Variants in NTM observed in about 807,000 individuals in gnomAD.
NTM encodes the protein neurotrimin, also known as IgLON family member 2.
A neutral mutation model predicts 42.1 loss-of-function variants in NTM; 13 were observed. The observed-to-expected ratio is 0.31, with a 90% CI of 0.20 to 0.49. The LOEUF (loss-of-function observed/expected upper bound fraction) is 0.49. Among genes scored for constraint, NTM ranks in the 20% least tolerant of loss-of-function variants. The pLI is 0.99. For missense variants in NTM, 373 were observed against 452.8 expected, an observed-to-expected ratio of 0.82 and a Z score of 1.60; for synonymous variants, 187 against 179.2, an observed-to-expected ratio of 1.04 and a Z score of -0.35.
At chr11:131,784,044 TCAAG>T (rs2088673033) in intron 1 of NTM, among the ~76,000 whole-genome samples, 1 of 152,110 alleles carries the variant, frequency 6.6e-6, no homozygotes, top group African/African-American at 2.4e-5. Context: ...AGGCTCAACA[TCAAG>T]CAAGTCAAAA....
chr11:131,858,133 A>G (rs2046286567), intron 1 of NTM, among the ~76,000 whole-genome samples: 1 of 152,100 alleles, frequency 6.6e-6, no homozygotes, highest in East Asian at 1.9e-4. Context: ...TGATTTCTGT[A>G]CATGCTATTG....
At chr11:131,408,521 A>G (rs1430241871) in intron 1 of NTM, among the ~76,000 whole-genome samples, 1 of 152,232 alleles carries the variant, frequency 6.6e-6, no homozygotes, top group East Asian at 1.9e-4. Context: ...TCTCTACCAG[A>G]TAATGATCAG....
At chr11:131,920,920 A>G (rs1164821569) in intron 2 of NTM, among the ~76,000 whole-genome samples, 2 of 152,174 alleles carry the variant, frequency 1.3e-5, no homozygotes, top group East Asian at 1.9e-4. Flanking sequence ...AACGGCCTCT[A>G]ATGTGCTGGA....
At chr11:131,439,489 G>C (rs926324622) in intron 1 of NTM, among the ~76,000 whole-genome samples, 1 of 152,212 alleles carries the variant, frequency 6.6e-6, no homozygotes, top group African/African-American at 2.4e-5. Context: ...AGGATGCTTT[G>C]TTTACCTACT....
chr11:131,581,088 A>AT (rs780236733), intron 1 of NTM, among the ~76,000 whole-genome samples: 15 of 152,048 alleles, frequency 9.9e-5, no homozygotes, highest in Non-Finnish European at 1.0e-4. Context: ...CAGAGAGAGT[A>AT]TTTTTTTTAT....
chr11:132,125,972 A>T (rs2065769640), intron 2 of NTM, among the ~76,000 whole-genome samples: 1 of 151,472 alleles, frequency 6.6e-6, no homozygotes, highest in Non-Finnish European at 1.5e-5. Flanking sequence ...GGCAAGGGGG[A>T]TGAGTGGGCT....
At chr11:131,939,950 C>T (rs988663763) in intron 2 of NTM, among the ~76,000 whole-genome samples, 2 of 152,126 alleles carry the variant, frequency 1.3e-5, no homozygotes, top group African/African-American at 2.4e-5. Flanking sequence ...GAAACCTCAC[C>T]GTGGGCTACT....
rs1591700695 is a variant in NTM, at chr11:131,449,985, T to C, written c.82+79097T>C. Reference sequence around the variant, plus strand: ...GGATTAGGAGACCTGGAATCTGAGATGTCCCAGCAAGCTTTAGCTAAGGTC... The same window carrying C: ...GGATTAGGAGACCTGGAATCTGAGACGTCCCAGCAAGCTTTAGCTAAGGTC... On this transcript the variant is annotated intron_variant, in intron 1 of 8. Transcript: ENST00000683400. 3.3e-5 allele frequency among the ~76,000 whole-genome samples: 5 copies of C among 152,318 alleles called. No individual in the cohort carries two copies. In the South Asian group the frequency reaches 1.0e-3, roughly 32 times the overall value.
In NTM at chr11:131,420,115, C is replaced by A. The variant is rs891084373; in HGVS notation, c.82+49227C>A. Among the ~76,000 whole-genome samples the A allele has an allele frequency of 6.6e-5, 10 of 152,140 alleles. 1 individual carries two copies. Among genetic ancestry groups the A allele is most frequent in the Admixed American group, 4.6e-4 (7 of 15,274 alleles). ...CCATTTGTCCCTAAGGGTGTCTAGG[C>A]CCTAGTCTCTGGGACCTGCAAACAA... On this transcript the variant is annotated intron_variant, in intron 1 of 8. Transcript: ENST00000683400.
At chr11:132,328,618 A>G (rs1181708320) in intron 7 of NTM, among the ~76,000 whole-genome samples, 1 of 152,058 alleles carries the variant, frequency 6.6e-6, no homozygotes, top group African/African-American at 2.4e-5. Context: ...CACAGTCTGA[A>G]CCAGTACGCC....
chr11:131,978,861 A>G (rs2064814476), intron 2 of NTM, among the ~76,000 whole-genome samples: 3 of 152,184 alleles, frequency 2.0e-5, no homozygotes, highest in Non-Finnish European at 2.9e-5. Context: ...TCACCTGCAT[A>G]CTTGAATGTA....
chr11:132,213,816 G>A (rs2083322596), intron 4 of NTM, among the ~76,000 whole-genome samples: 1 of 57,010 alleles, frequency 1.8e-5, no homozygotes, highest in African/African-American at 5.4e-5. Context: ...CTCACTGCAA[G>A]CTCCGCCTCC....
chr11:131,386,312 CAG>C (rs1330732894), intron 1 of NTM, among the ~76,000 whole-genome samples: 3 of 152,120 alleles, frequency 2.0e-5, no homozygotes, highest in East Asian at 1.9e-4. Context: ...AGGAGGGAAA[CAG>C]GGAGTGATTT....
intron 1 of NTM, among the ~76,000 whole-genome samples, chr11:131,413,227 A>G (rs1946601992): frequency 6.6e-6 from 1 of 152,214 alleles, no homozygotes; most frequent in Non-Finnish European, 1.5e-5. Context: ...ATTGTTATCC[A>G]TGTTAGTGAA....
At chr11:132,273,072 T>C (rs1430435745) in intron 4 of NTM, among the ~76,000 whole-genome samples, 2 of 152,154 alleles carry the variant, frequency 1.3e-5, no homozygotes, top group East Asian at 3.9e-4. Context: ...TGAGGAAGTT[T>C]CCTGCTATTC....
intron 1 of NTM, among the ~76,000 whole-genome samples, chr11:131,647,055 C>T: frequency 6.6e-6 from 1 of 152,208 alleles, no homozygotes; most frequent in East Asian, 1.9e-4. Context: ...AAAGTTTACT[C>T]TTCGTACCCT....
chr11:131,441,719 G>A (rs1161711895), intron 1 of NTM, among the ~76,000 whole-genome samples: 2 of 152,124 alleles, frequency 1.3e-5, no homozygotes, highest in South Asian at 4.1e-4. Context: ...TTGTCCTAAG[G>A]CACCAACTGT....
intron 1 of NTM, among the ~76,000 whole-genome samples, chr11:131,429,186 G>A (rs1280095916): frequency 1.3e-5 from 2 of 152,212 alleles, no homozygotes; most frequent in Non-Finnish European, 2.9e-5. Context: ...TTGAGGGATG[G>A]TGACAAGAAA....
chr11:132,180,136 C>T (rs73595483), intron 3 of NTM, among the ~76,000 whole-genome samples: 2,909 of 152,192 alleles, frequency 0.019, 82 homozygotes, highest in African/African-American at 0.063. Context: ...GTGATTCATT[C>T]AATATGGGAC....
Sources: gnomAD v4.1 joint callset for allele counts (sites outside exome capture counted in the v4.1 genomes callset) on GRCh38, gnomAD v4.1.1 for gene constraint, MANE v1.5 for transcripts, NCBI Gene and HGNC (gene_info 2026-07-23, HGNC 2026-07-21) for gene names.